HLA-DPA1: variants seen among roughly 807,000 people sequenced by gnomAD.
HLA-DPA1 encodes HLA class II histocompatibility antigen, DP alpha 1 chain.
HLA-DPA1 carries 20 observed loss-of-function variants against 21.5 expected under a neutral mutation model. That is an observed-to-expected ratio of 0.93 (90% confidence interval 0.66 to 1.35). The LOEUF is 1.35. HLA-DPA1 is among the 40% of genes most tolerant of loss of function. The pLI is 0.00. For missense variants in HLA-DPA1, 279 were observed against 323.0 expected, an observed-to-expected ratio of 0.86 and a Z score of 1.05; for synonymous variants, 123 against 129.6, an observed-to-expected ratio of 0.95 and a Z score of 0.35.
chr6:33,080,496 TG>T lies in HLA-DPA1; in HGVS notation c.-100+183del. The stretch of plus-strand genomic sequence containing the variant: ...TCTCTGCGTGGTGAGAAAACAGGCC[TG>T]GAGAGGCTCTGCGACCCGCTTAGGA... On this transcript the variant is annotated intron_variant, in intron 1 of 5. Coordinates refer to ENST00000419277, the Ensembl canonical transcript of HLA-DPA1. This position sits in a 1 kb window ranked among gnomAD's most constrained non-coding sequence, Gnocchi z 4.3. 1.2e-6 allele frequency: 1 copy of T among 863,926 alleles called. No homozygotes were observed. Among genetic ancestry groups the T allele is most frequent in the Non-Finnish European group, 1.9e-6 (1 of 521,374 alleles). The allele number at this position is 863,926 out of a possible 1,614,324, so 53.5% of individuals were successfully genotyped here.
At position 33,080,413 on chromosome 6, in the gene HLA-DPA1, T is replaced by TCGCCCCTCCCTAGTGATCACTCAGTGCC. The variant is rs1412017351; in HGVS notation, c.-100+239_-100+266dup. The TCGCCCCTCCCTAGTGATCACTCAGTGCC allele has an allele frequency of 5.9e-6, 4 of 674,968 alleles. No homozygotes were observed. Among genetic ancestry groups the TCGCCCCTCCCTAGTGATCACTCAGTGCC allele is most frequent in the Non-Finnish European group, 1.1e-5 (4 of 361,982 alleles). The allele number at this position is 674,968 out of a possible 1,614,324, so 41.8% of individuals were successfully genotyped here. A position where few individuals can be genotyped will look rare whatever the true frequency, so the allele number is the denominator to read the frequency against. ...GAAGGGACTGCCTTCCCCTCAGTGC[T>TCGCCCCTCCCTAGTGATCACTCAGTGCC]CGCCCCTCCCTAGTGATCACTCAGT... On this transcript the variant is annotated intron_variant, in intron 1 of 5. Coordinates refer to ENST00000419277, the Ensembl canonical transcript of HLA-DPA1. This position sits in a 1 kb window ranked among gnomAD's most constrained non-coding sequence, Gnocchi z 4.3.
chr6:33,069,188 C>G (rs779927534), exon 4 of HLA-DPA1: 1 of 1,612,862 alleles, frequency 6.2e-7, no homozygotes, highest in African/African-American at 1.3e-5. Context: ...CCCCGTTGCA[C>G]AGCCACGTGA....
intron 5 of HLA-DPA1, chr6:33,066,909 T>C (rs1206065595): frequency 2.0e-5 from 3 of 152,230 alleles, no homozygotes; most frequent in African/African-American, 7.2e-5. Context: ...AACTGGATAA[T>C]GTCCAGTGTT....
At chr6:33,077,306 T>A (rs1235549176) in intron 1 of HLA-DPA1, among the ~76,000 whole-genome samples, 1 of 152,108 alleles carries the variant, frequency 6.6e-6, no homozygotes. Flanking sequence ...ATTTTCTTAA[T>A]CCAGTCTATC....
chr6:33,076,247 C>T lies in HLA-DPA1; in HGVS notation c.-99-2578G>A, dbSNP rs534193820. ...CTGAGACAGGCTGCGGGGGCTCCTG[C>T]CCTAAGGCAGTGTCCTCTCTTCCCA... On this transcript the variant is annotated intron_variant, in intron 1 of 5. Coordinates refer to ENST00000419277, the Ensembl canonical transcript of HLA-DPA1. 881 of 738,244 alleles carry T rather than the reference C, an allele frequency of 1.2e-3. 1 individual carries two copies. The highest frequency in any genetic ancestry group is 1.6e-3 in the Non-Finnish European group (689 of 438,054). The allele number at this position is 738,244 out of a possible 1,614,324, so 45.7% of individuals were successfully genotyped here.
intron 1 of HLA-DPA1, chr6:33,075,930 C>T: frequency 1.3e-6 from 1 of 749,990 alleles, no homozygotes; most frequent in South Asian, 1.8e-5. Flanking sequence ...CCCAGGGTCA[C>T]AGAAGACTAC....
At chr6:33,080,000 T>C (rs2856823) in intron 1 of HLA-DPA1, 4,021 of 219,216 alleles carry the variant, frequency 0.018, 89 homozygotes, top group African/African-American at 0.065. Flanking sequence ...TAAAATACTT[T>C]CCACATCTTT....
At position 33,073,463 on chromosome 6, in the gene HLA-DPA1, G is replaced by C. The variant is rs145599827; in HGVS notation, c.100+8C>G. 2,111 of 1,596,284 alleles carry C rather than the reference G, an allele frequency of 1.3e-3. 36 individuals carry two copies. The East Asian group carries it at 0.014, about 11-fold the overall frequency. On this transcript the variant is annotated splice_region_variant and intron_variant, in intron 2 of 5. Coordinates refer to ENST00000419277, the Ensembl canonical transcript of HLA-DPA1. ...CCCCGACGCTCCTGCGTCCTCCTGA[G>C]CACTCACCCTTGATGGCCCCAGCTC... is the stretch of plus-strand genomic sequence containing the variant.
intron 1 of HLA-DPA1, chr6:33,073,889 C>T (rs954264713): frequency 1.8e-5 from 5 of 276,450 alleles, no homozygotes; most frequent in South Asian, 1.0e-4. Context: ...CTTCTTCTGA[C>T]GGCAAATGTT....
intron 1 of HLA-DPA1, among the ~76,000 whole-genome samples, chr6:33,078,270 G>A (rs1348581030): frequency 6.6e-6 from 1 of 152,136 alleles, no homozygotes; most frequent in Non-Finnish European, 1.5e-5. Context: ...GTAGATTACT[G>A]GAGCTCCCTG....
chr6:33,073,371 A>G, intron 2 of HLA-DPA1, 100 bp downstream of exon 1: 1 of 771,790 alleles, frequency 1.3e-6, no homozygotes, highest in Admixed American at 1.8e-5. Context: ...AGGACCAGAT[A>G]GATCAATGAG....
In HLA-DPA1 at chr6:33,080,357, GA is replaced by G; in HGVS notation, c.-100+322del. ...GTTTTTTCTCCCAGTGACCCCACGT[GA>G]AACGTCTCCGCCTCCTCCAGCCACC... On this transcript the variant is annotated intron_variant, in intron 1 of 5. Coordinates refer to ENST00000419277, the Ensembl canonical transcript of HLA-DPA1. This position sits in a 1 kb window ranked among gnomAD's most constrained non-coding sequence, Gnocchi z 4.3. 1 of 565,182 alleles carries G rather than the reference GA, an allele frequency of 1.8e-6. No individual in the cohort carries two copies. The highest frequency in any genetic ancestry group is 3.4e-6 in the Non-Finnish European group (1 of 290,982). 35.0% of individuals were successfully genotyped at this position (565,182 alleles called of 1,614,324 possible).
Position 33,080,502 on chromosome 6 carries a change from G to C in HLA-DPA1, c.-100+178C>G. On this transcript the variant is annotated intron_variant, in intron 1 of 5. Coordinates refer to ENST00000419277, the Ensembl canonical transcript of HLA-DPA1. The surrounding 1 kb of genome is among the most constrained non-coding windows in gnomAD (Gnocchi z 4.3). ...CGTGGTGAGAAAACAGGCCTGGAGA[G>C]GCTCTGCGACCCGCTTAGGACCACA... is the stretch of plus-strand genomic sequence containing the variant. The C allele has an allele frequency of 1.1e-6, 1 of 905,966 alleles. No individual in the cohort carries two copies. Among genetic ancestry groups the C allele is most frequent in the East Asian group, 2.6e-5 (1 of 38,014 alleles). 56.1% of individuals were successfully genotyped at this position (905,966 alleles called of 1,614,324 possible). A position where few individuals can be genotyped will look rare whatever the true frequency, so the allele number is the denominator to read the frequency against.
intron 2 of HLA-DPA1, among the ~76,000 whole-genome samples, chr6:33,071,476 T>A (rs1762279527): frequency 6.6e-6 from 1 of 152,234 alleles, no homozygotes; most frequent in Non-Finnish European, 1.5e-5. Context: ...TTTCACAAGT[T>A]CTGCAGTCCA....
chr6:33,065,833 A>C (rs1432769000), intron 5 of HLA-DPA1: 1 of 149,578 alleles, frequency 6.7e-6, no homozygotes, highest in Non-Finnish European at 1.5e-5. Flanking sequence ...CTCCTTCCTG[A>C]ATTCTTTAAT....
chr6:33,076,540 C>G (rs1032741681), intron 1 of HLA-DPA1, among the ~76,000 whole-genome samples: 3 of 152,190 alleles, frequency 2.0e-5, no homozygotes, highest in Non-Finnish European at 2.9e-5. Context: ...TGTCCAGGCT[C>G]TGAGGATCAC....
exon 6 of HLA-DPA1, chr6:33,064,703 T>C (rs1761870329): frequency 6.6e-6 from 1 of 152,242 alleles, no homozygotes; most frequent in Non-Finnish European, 1.5e-5. Flanking sequence ...CTAATCTGCC[T>C]GAAATCTTGA....
exon 4 of HLA-DPA1, chr6:33,069,287 C>T: frequency 6.2e-7 from 1 of 1,612,782 alleles, no homozygotes; most frequent in South Asian, 1.1e-5. Flanking sequence ...GAAACACGGT[C>T]ACCTCAGGGG....
intron 1 of HLA-DPA1, among the ~76,000 whole-genome samples, chr6:33,078,923 A>C (rs1762695853): frequency 6.6e-6 from 1 of 152,158 alleles, no homozygotes; most frequent in African/African-American, 2.4e-5. Flanking sequence ...GAGGAGGAGG[A>C]ATCTGGACTC....
Sources: gnomAD v4.1 joint callset for allele counts (sites outside exome capture counted in the v4.1 genomes callset) on GRCh38, gnomAD v4.1.1 for gene constraint, Gnocchi (gnomAD v3.1) non-coding constraint, MANE v1.5 for transcripts, NCBI Gene and HGNC (gene_info 2026-07-23, HGNC 2026-07-21) for gene names.